The following CYLD variants were observed in gnomAD, a reference collection of about 807,000 sequenced individuals.
CYLD encodes the protein CYLD lysine 63 deubiquitinase.
A neutral mutation model predicts 104.5 loss-of-function variants in CYLD; 26 were observed. That is an observed-to-expected ratio of 0.25 (90% confidence interval 0.18 to 0.35). The LOEUF is 0.35. Ranked by LOEUF, CYLD falls within the 10% of genes least tolerant of loss-of-function variation. CYLD has a pLI of 1.00. For missense variants in CYLD, 703 were observed against 1,136.1 expected, an observed-to-expected ratio of 0.62 and a Z score of 5.48; for synonymous variants, 385 against 399.9, an observed-to-expected ratio of 0.96 and a Z score of 0.45.
chr16:50,782,393 G>A lies in CYLD; in HGVS notation c.1753G>A (p.Glu585Lys), dbSNP rs760703224. The A allele has an allele frequency of 2.5e-6, 4 of 1,613,832 alleles. No individual in the cohort carries two copies. In the South Asian group the frequency reaches 4.4e-5, roughly 18 times the overall value. ...ACCAAAAATGGAAAAAGAAGGCTTG[G>A]AGATAATGATTGGGAAGAAGAAAGG... ...TPPKMEKEGL[E>K]IMIGKKKGIQ... The change falls in exon 11 of 19, where the codon GAG (glutamate) becomes AAG (lysine). Residue 585 changes from glutamate (E) to lysine (K), a missense_variant. Physicochemically the swap from Glu to Lys is moderately conservative, Grantham distance 56. Coordinates refer to ENST00000427738, the MANE Select transcript of CYLD (RefSeq NM_001378743.1).
At chr16:50,787,303 A>G in intron 13 of CYLD, 1 of 304,070 alleles carries the variant, frequency 3.3e-6, no homozygotes, top group Non-Finnish European at 6.2e-6. Flanking sequence ...CTGTTGTAAA[A>G]GGGAGTTAGA....
At chr16:50,749,316 A>G (rs1966443186) in intron 2 of CYLD, among the ~76,000 whole-genome samples, 1 of 152,270 alleles carries the variant, frequency 6.6e-6, no homozygotes, top group African/African-American at 2.4e-5. Context: ...GGAAGCAAAC[A>G]TTGTGTTGTC....
chr16:50,780,201 G>A (rs147981341), intron 9 of CYLD, among the ~76,000 whole-genome samples, 157 bp downstream of exon 9: 2 of 152,142 alleles, frequency 1.3e-5, no homozygotes, highest in East Asian at 1.9e-4. Flanking sequence ...TCCCTTTGCC[G>A]CCCCTGAAGC....
At chr16:50,769,980 A>T in intron 5 of CYLD, among the ~76,000 whole-genome samples, 1 of 152,122 alleles carries the variant, frequency 6.6e-6, no homozygotes, top group East Asian at 1.9e-4. Flanking sequence ...ATATATATCC[A>T]TGGATTGTTC....
chr16:50,785,533 A>AT (rs918079241), intron 12 of CYLD: 9 of 152,046 alleles, frequency 5.9e-5, no homozygotes, highest in Admixed American at 1.3e-4. Flanking sequence ...TAAACATACG[A>AT]TTTTTTTCCC....
In CYLD at chr16:50,775,789, C is replaced by G. The variant is rs373030852; in HGVS notation, c.923-390C>G. 1.3e-4 allele frequency among the ~76,000 whole-genome samples: 20 copies of G among 152,154 alleles called. 1 individual carries two copies. In the East Asian group the frequency reaches 3.5e-3, roughly 26 times the overall value. On this transcript the variant is annotated intron_variant, in intron 6 of 18. Transcript: ENST00000427738. ...AGCATCTTCAAGAAATATTTGAGTT[C>G]GAAACACTTCATAATACACAGGGGT...
chr16:50,777,742 T>C, intron 7 of CYLD, 83 bp from the exon 8 acceptor site: 3 of 764,226 alleles, frequency 3.9e-6, no homozygotes, highest in Non-Finnish European at 7.2e-6. Flanking sequence ...TAACATCATA[T>C]TCATAATAAT....
chr16:50,795,570 C>A (rs1971950880), intron 18 of CYLD: 4 of 702,848 alleles, frequency 5.7e-6, no homozygotes, highest in East Asian at 2.7e-5. Flanking sequence ...ATCCAGCCCC[C>A]ACGGCCTTCT....
chr16:50,780,135 A>G (rs1970076795), intron 9 of CYLD, 91 bp downstream of exon 9: 8 of 1,456,294 alleles, frequency 5.5e-6, no homozygotes, highest in Non-Finnish European at 6.7e-6. Flanking sequence ...ACAAACTGTT[A>G]TATTTGTCAG....
intron 4 of CYLD, 149 bp from the exon 5 acceptor site, chr16:50,754,170 C>A: frequency 1.5e-6 from 1 of 646,020 alleles, no homozygotes; most frequent in Non-Finnish European, 2.7e-6. Context: ...ACTATGGCAA[C>A]TATTCCTAAT....
intron 5 of CYLD, among the ~76,000 whole-genome samples, chr16:50,755,004 TAC>T (rs1281755318): frequency 1.8e-4 from 2 of 11,026 alleles, no homozygotes; most frequent in East Asian, 1.2e-3. Flanking sequence ...TATGTATATA[TAC>T]ATATATATGT....
rs756244138 is a variant in CYLD, at chr16:50,751,682, G to C, written c.583G>C (p.Val195Leu). The change falls in exon 4 of 19, where the codon GTG becomes CTG. Residue 195 changes from valine to leucine, a missense_variant. By Grantham distance (32) the Val-to-Leu change is conservative. Transcript: ENST00000427738. ...TTTTCAGTGTGATGAAGATTGTGGCGTGTTTGTTGCATTGGACAAGCTAGA... is the reference window on the plus strand; with the variant it reads ...TTTTCAGTGTGATGAAGATTGTGGCCTGTTTGTTGCATTGGACAAGCTAGA... ...QLFQCDEDCGVFVALDKLELI... is the reference protein window; with the variant it reads ...QLFQCDEDCGLFVALDKLELI... 1 of 1,613,770 alleles carries C rather than the reference G, an allele frequency of 6.2e-7. No homozygotes were observed. Among genetic ancestry groups the C allele is most frequent in the South Asian group, 1.1e-5 (1 of 91,062 alleles).
intron 2 of CYLD, among the ~76,000 whole-genome samples, chr16:50,746,139 G>A (rs1456153657): frequency 6.6e-6 from 1 of 152,174 alleles, no homozygotes; most frequent in African/African-American, 2.4e-5. Flanking sequence ...CAGGGCTCAA[G>A]CCATCCTCCC....
chr16:50,764,502 T>C (rs1968283905), intron 5 of CYLD, among the ~76,000 whole-genome samples: 1 of 152,196 alleles, frequency 6.6e-6, no homozygotes, highest in Non-Finnish European at 1.5e-5. Context: ...CCTATTTTCA[T>C]CCAAAATGTT....
chr16:50,786,777 A>G, intron 12 of CYLD, 78 bp from the exon 13 acceptor site: 1 of 1,146,000 alleles, frequency 8.7e-7, no homozygotes, highest in Non-Finnish European at 1.3e-6. Context: ...AAAAAAAGAA[A>G]AAAAGAAATA....
chr16:50,750,637 A>G (rs1019709244), intron 3 of CYLD, among the ~76,000 whole-genome samples: 3 of 152,204 alleles, frequency 2.0e-5, no homozygotes, highest in East Asian at 1.9e-4. Context: ...AACTTAAAAA[A>G]CTATGTACTA....
At position 50,791,422 on chromosome 16, in the gene CYLD, G is replaced by C. The variant is rs543214072; in HGVS notation, c.2109-136G>C. ...TTATCCAAATCATTTATTTCTCTCTGTTGTTCTGACTATCCAAAGCTACAC... is the reference window on the plus strand; with the variant it reads ...TTATCCAAATCATTTATTTCTCTCTCTTGTTCTGACTATCCAAAGCTACAC... On this transcript the variant is annotated intron_variant, in intron 14 of 18. Coordinates refer to ENST00000427738, the MANE Select transcript of CYLD (RefSeq NM_001378743.1). 2.5e-5 allele frequency: 20 copies of C among 808,860 alleles called. No homozygotes were observed. In the African/African-American group the frequency reaches 2.9e-4, roughly 12 times the overall value. The allele number at this position is 808,860 out of a possible 1,614,324, so 50.1% of individuals were successfully genotyped here.
At chr16:50,754,020 T>C (rs895186529) in intron 4 of CYLD, among the ~76,000 whole-genome samples, 2 of 152,196 alleles carry the variant, frequency 1.3e-5, no homozygotes, top group Admixed American at 6.5e-5. Flanking sequence ...TACAGATTAG[T>C]ATTTATTGTT....
rs760892570 is a variant in CYLD at position 50,749,892 on chromosome 16, G to T, written c.194G>T (p.Gly65Val). The change falls in exon 3 of 19, where the codon GGC (glycine) becomes GTC (valine). Residue 65 changes from glycine to valine, a missense_variant. Physicochemically the swap from Gly to Val is moderately radical, Grantham distance 109. Coordinates refer to ENST00000427738, the MANE Select transcript of CYLD (RefSeq NM_001378743.1). ...CATTCAAGGATTCCTTCTGCAAAAGGCAAGAAAAATCAGATTGGATTAAAA... is the reference window on the plus strand; with the variant it reads ...CATTCAAGGATTCCTTCTGCAAAAGTCAAGAAAAATCAGATTGGATTAAAA... The part of the protein sequence containing the change: ...VGHSRIPSAK[G>V]KKNQIGLKIL... 3.7e-6 allele frequency: 6 copies of T among 1,614,076 alleles called. No homozygotes were observed. The South Asian group carries it at 6.6e-5, about 18-fold the overall frequency.
Sources: gnomAD v4.1 joint callset for allele counts (sites outside exome capture counted in the v4.1 genomes callset) on GRCh38, gnomAD v4.1.1 for gene constraint, MANE v1.5 for transcripts, NCBI Gene and HGNC (gene_info 2026-07-23, HGNC 2026-07-21) for gene names.